BIK: variants seen among roughly 807,000 people sequenced by gnomAD.
BIK encodes BCL2 interacting killer, also known as bcl-2-interacting killer.
In BIK, 14 loss-of-function variants were observed where a neutral mutation model predicts 12.1. That is an observed-to-expected ratio of 1.16 (90% CI 0.77 to 1.81). The LOEUF is 1.81. BIK is among the 40% of genes most tolerant of loss of function. The pLI, the probability that BIK is intolerant of heterozygous loss-of-function variation, is 0.00. For synonymous variants in BIK, 86 were observed against 92.3 expected, an observed-to-expected ratio of 0.93 and a Z score of 0.39; for missense variants, 215 against 207.9, an observed-to-expected ratio of 1.03 and a Z score of -0.21.
At chr22:43,122,070 C>T (rs547798376) in intron 1 of BIK, among the ~76,000 whole-genome samples, 11 of 152,354 alleles carry the variant, frequency 7.2e-5, no homozygotes, top group African/African-American at 2.6e-4. Flanking sequence ...GTCGTGAGCA[C>T]ACACTTGTGC....
chr22:43,124,581 TTCTTAGA>T (rs1340913040), intron 2 of BIK, among the ~76,000 whole-genome samples: 1 of 151,802 alleles, frequency 6.6e-6, no homozygotes, highest in Non-Finnish European at 1.5e-5. Context: ...CAAGAGAGGG[TTCTTAGA>T]TCTCAAGCAA....
intron 1 of BIK, among the ~76,000 whole-genome samples, chr22:43,118,361 A>C (rs923172380): frequency 2.0e-5 from 3 of 152,158 alleles, no homozygotes; most frequent in African/African-American, 7.2e-5. Context: ...AGCCCCTGCT[A>C]GGTGGTGGAA....
rs563622709 is a variant in BIK at position 43,115,081 on chromosome 22, G to A, written c.-8+4278G>A. ...CCTGCTCTGTTCTGGGGCCATGCAGGTTCCCGACTGGCTGGGGCAGACACA... is the reference window on the plus strand; with the variant it reads ...CCTGCTCTGTTCTGGGGCCATGCAGATTCCCGACTGGCTGGGGCAGACACA... On this transcript the variant is annotated intron_variant, in intron 1 of 4. Coordinates refer to ENST00000216115, the MANE Select transcript of BIK (RefSeq NM_001197.5). Among the ~76,000 whole-genome samples, 260 of 152,326 alleles carry A rather than the reference G, an allele frequency of 1.7e-3. 3 individuals carry two copies. Among genetic ancestry groups the A allele is most frequent in the African/African-American group, 5.7e-3 (236 of 41,572 alleles).
chr22:43,128,383 T>C, intron 3 of BIK, 113 bp from the exon 4 acceptor site: 1 of 1,356,918 alleles, frequency 7.4e-7, no homozygotes, highest in South Asian at 1.3e-5. Flanking sequence ...GGCTGTGGGG[T>C]GGGAGGGCAC....
At chr22:43,114,766 G>A (rs546841923) in intron 1 of BIK, among the ~76,000 whole-genome samples, 45 of 152,340 alleles carry the variant, frequency 3.0e-4, no homozygotes, top group African/African-American at 1.0e-3. Flanking sequence ...TGGTCAGCAC[G>A]GGTGTGCGCC....
intron 2 of BIK, among the ~76,000 whole-genome samples, chr22:43,125,521 C>T (rs1204759388): frequency 6.8e-6 from 1 of 148,058 alleles, no homozygotes; most frequent in African/African-American, 2.5e-5. Flanking sequence ...GCCTGGCCAA[C>T]ATGGTGAAAC....
rs1010720661 is a variant in BIK at position 43,116,785 on chromosome 22, C to A, written c.-8+5982C>A. ...TGAAACCCCGTCTTTACTAAAAATA[C>A]AAAATTAGCCAGGTGTGGTGGCGTG... On this transcript the variant is annotated intron_variant, in intron 1 of 4. Coordinates refer to ENST00000216115, the MANE Select transcript of BIK (RefSeq NM_001197.5). Among the ~76,000 whole-genome samples, 13 of 152,230 alleles carry A rather than the reference C, an allele frequency of 8.5e-5. No homozygotes were observed. The East Asian group carries it at 1.5e-3, about 18-fold the overall frequency.
At chr22:43,125,571 G>T (rs1399216634) in intron 2 of BIK, among the ~76,000 whole-genome samples, 1 of 137,892 alleles carries the variant, frequency 7.3e-6, no homozygotes, top group Non-Finnish European at 1.6e-5. Context: ...CCAGGTATGG[G>T]GCCGGGGGTG....
intron 1 of BIK, among the ~76,000 whole-genome samples, chr22:43,123,627 T>G (rs926367754): frequency 1.3e-5 from 2 of 151,840 alleles, no homozygotes; most frequent in African/African-American, 4.8e-5. Context: ...AGCTCATGCC[T>G]GTAGTCCCAG....
At chr22:43,112,159 A>G (rs1165886056) in intron 1 of BIK, among the ~76,000 whole-genome samples, 5 of 152,124 alleles carry the variant, frequency 3.3e-5, no homozygotes, top group Admixed American at 2.6e-4. Flanking sequence ...CGCCTTTGGA[A>G]TAAGTTCTCA....
intron 2 of BIK, 140 bp from the exon 3 acceptor site, chr22:43,127,557 C>T (rs1372632781): frequency 1.4e-6 from 1 of 708,270 alleles, no homozygotes; most frequent in African/African-American, 1.8e-5. Flanking sequence ...GAGGCCCACT[C>T]ACTGCCTGCC....
chr22:43,122,385 A>G (rs555040393), intron 1 of BIK, among the ~76,000 whole-genome samples: 2 of 152,298 alleles, frequency 1.3e-5, no homozygotes, highest in African/African-American at 4.8e-5. Flanking sequence ...TTCAAAGTAC[A>G]TGAAGGAGTT....
intron 1 of BIK, among the ~76,000 whole-genome samples, chr22:43,111,275 C>T (rs1423310298): frequency 1.3e-5 from 2 of 152,132 alleles, no homozygotes; most frequent in Non-Finnish European, 2.9e-5. Context: ...CCGGTGCCGC[C>T]GGGACCGGCT....
chr22:43,116,409 G>A (rs1930114244), intron 1 of BIK, among the ~76,000 whole-genome samples: 1 of 152,002 alleles, frequency 6.6e-6, no homozygotes, highest in Admixed American at 6.6e-5. Flanking sequence ...TTAAAGTGCT[G>A]GGAGCCTCCA....
rs952395566 is a variant in BIK, at chr22:43,128,356, C to T, written c.261-140C>T. ...CGGCCCCTGCAGGTGGAGGCGCCCACGGAAAGGGCCCCGGGTGGCTGTGGG... is the reference window on the plus strand; with the variant it reads ...CGGCCCCTGCAGGTGGAGGCGCCCATGGAAAGGGCCCCGGGTGGCTGTGGG... On this transcript the variant is annotated intron_variant, in intron 3 of 4. Transcript: ENST00000216115. 2.8e-4 allele frequency: 301 copies of T among 1,091,548 alleles called. 2 individuals are homozygous for T. The highest frequency in any genetic ancestry group is 1.8e-4 in the Non-Finnish European group (135 of 749,840). 67.6% of individuals were successfully genotyped at this position (1,091,548 alleles called of 1,614,324 possible). A position where few individuals can be genotyped will look rare whatever the true frequency, so the allele number is the denominator to read the frequency against.
rs561173014 is a variant in BIK at position 43,121,417 on chromosome 22, C to T, written c.-7-2599C>T. On this transcript the variant is annotated intron_variant, in intron 1 of 4. Coordinates refer to ENST00000216115, the MANE Select transcript of BIK (RefSeq NM_001197.5). ...GCACTCTGCTGCAGACCCTCGGCAGCGCAGCCCACTCTGGTGGCTGGGGCC... is the reference window on the plus strand; with the variant it reads ...GCACTCTGCTGCAGACCCTCGGCAGTGCAGCCCACTCTGGTGGCTGGGGCC... 4.6e-5 allele frequency among the ~76,000 whole-genome samples: 7 copies of T among 152,266 alleles called. No individual in the cohort carries two copies. The East Asian group carries it at 9.6e-4, about 21-fold the overall frequency.
At chr22:43,121,651 A>AG (rs1491171582) in intron 1 of BIK, among the ~76,000 whole-genome samples, 2 of 152,008 alleles carry the variant, frequency 1.3e-5, no homozygotes, top group African/African-American at 2.4e-5. Context: ...GGGAAGGGAA[A>AG]GGGGGGAAAA....
At chr22:43,112,328 G>A (rs1930027367) in intron 1 of BIK, among the ~76,000 whole-genome samples, 1 of 151,872 alleles carries the variant, frequency 6.6e-6, no homozygotes, top group African/African-American at 2.4e-5. Flanking sequence ...CCTCCTAGTA[G>A]CTGGGATTAC....
intron 3 of BIK, 150 bp downstream of exon 3, chr22:43,127,945 T>C (rs1355139647): frequency 2.6e-6 from 2 of 777,096 alleles, no homozygotes; most frequent in Non-Finnish European, 4.0e-6. Flanking sequence ...CTTGGCTGCT[T>C]CCCGCACCTC....
Sources: gnomAD v4.1 joint callset for allele counts (sites outside exome capture counted in the v4.1 genomes callset) on GRCh38, gnomAD v4.1.1 for gene constraint, MANE v1.5 for transcripts, NCBI Gene and HGNC (gene_info 2026-07-23, HGNC 2026-07-21) for gene names.